Variants in ARRB1 observed in about 807,000 individuals in gnomAD.
The protein encoded by ARRB1 is beta-arrestin-1.
Under a neutral mutation model 56.8 loss-of-function variants are expected in ARRB1, and 21 were observed. The observed-to-expected ratio is 0.37, with a 90% CI of 0.26 to 0.53. The LOEUF (loss-of-function observed/expected upper bound fraction) is 0.53. Ranked by LOEUF, ARRB1 falls within the 20% of genes least tolerant of loss-of-function variation. ARRB1 has a pLI of 0.88. For synonymous variants in ARRB1, 210 were observed against 218.6 expected, an observed-to-expected ratio of 0.96 and a Z score of 0.35; for missense variants, 424 against 553.7, an observed-to-expected ratio of 0.77 and a Z score of 2.35.
At chr11:75,271,895 C>A (rs2276310) in intron 12 of ARRB1, among the ~76,000 whole-genome samples, 171 bp from the exon 13 acceptor site, 2 of 151,880 alleles carry the variant, frequency 1.3e-5, no homozygotes, top group African/African-American at 4.8e-5. Flanking sequence ...AGGGATACAC[C>A]GAAATGGCAT....
chr11:75,289,945 C>T (rs1946565987), intron 2 of ARRB1, 64 bp downstream of exon 2: 1 of 1,611,686 alleles, frequency 6.2e-7, no homozygotes, highest in East Asian at 2.2e-5. Flanking sequence ...TCCTCTGCTT[C>T]CCAAGAGAAA....
At chr11:75,347,426 T>C (rs537108905) in intron 1 of ARRB1, among the ~76,000 whole-genome samples, 2 of 151,900 alleles carry the variant, frequency 1.3e-5, no homozygotes, top group African/African-American at 2.4e-5. Context: ...AAAAGAGGAG[T>C]TCATCTGCAG....
intron 13 of ARRB1, among the ~76,000 whole-genome samples, chr11:75,269,933 C>A (rs559812684): frequency 6.6e-6 from 1 of 152,216 alleles, no homozygotes. Flanking sequence ...CACCCAACTG[C>A]GAGTGCCTAC....
intron 1 of ARRB1, among the ~76,000 whole-genome samples, chr11:75,324,275 T>C (rs1947394078): frequency 6.6e-6 from 1 of 152,234 alleles, no homozygotes; most frequent in Non-Finnish European, 1.5e-5. Flanking sequence ...AGTTGCTCCA[T>C]GAGGGCAGGG....
At chr11:75,297,571 T>C (rs550464614) in intron 1 of ARRB1, among the ~76,000 whole-genome samples, 33 of 151,836 alleles carry the variant, frequency 2.2e-4, no homozygotes, top group African/African-American at 7.7e-4. Context: ...GTACAAAAAT[T>C]AACTCAAATG....
intron 1 of ARRB1, among the ~76,000 whole-genome samples, chr11:75,350,795 G>A (rs926482077): frequency 4.6e-5 from 7 of 152,170 alleles, no homozygotes; most frequent in East Asian, 3.8e-4. Context: ...TGGGGGTGGC[G>A]GGGGGCGCTC....
intron 1 of ARRB1, among the ~76,000 whole-genome samples, chr11:75,305,648 C>A (rs773259412): frequency 6.6e-6 from 1 of 152,178 alleles, no homozygotes; most frequent in African/African-American, 2.4e-5. Context: ...GATAAATTCA[C>A]AAGCTTGATG....
chr11:75,350,900 G>A (rs1341420156), intron 1 of ARRB1, among the ~76,000 whole-genome samples: 1 of 152,184 alleles, frequency 6.6e-6, no homozygotes, highest in Non-Finnish European at 1.5e-5. Flanking sequence ...TGCCTGTGGG[G>A]TGCCAGTCTT....
intron 7 of ARRB1, 150 bp from the exon 8 acceptor site, chr11:75,278,894 G>T (rs867433541): frequency 7.0e-6 from 8 of 1,144,612 alleles, no homozygotes; most frequent in African/African-American, 1.6e-5. Context: ...CAGCATAGGG[G>T]TCTGTCACCA....
At chr11:75,329,421 CA>C (rs1371563418) in intron 1 of ARRB1, among the ~76,000 whole-genome samples, 1 of 152,204 alleles carries the variant, frequency 6.6e-6, no homozygotes, top group East Asian at 1.9e-4. Context: ...AACCTTGAGC[CA>C]AACCTTCTCT....
chr11:75,331,782 G>A (rs1183597305), intron 1 of ARRB1, among the ~76,000 whole-genome samples: 3 of 151,900 alleles, frequency 2.0e-5, no homozygotes, highest in East Asian at 1.9e-4. Flanking sequence ...CTCTTCACAC[G>A]GACTCGAGTG....
At chr11:75,313,083 T>C (rs1327523518) in intron 1 of ARRB1, among the ~76,000 whole-genome samples, 1 of 152,138 alleles carries the variant, frequency 6.6e-6, no homozygotes, top group Non-Finnish European at 1.5e-5. Flanking sequence ...CCAGGTGTGG[T>C]GGCTCACACC....
chr11:75,308,149 T>A (rs923711803), intron 1 of ARRB1, among the ~76,000 whole-genome samples: 3 of 152,252 alleles, frequency 2.0e-5, no homozygotes, highest in Non-Finnish European at 2.9e-5. Flanking sequence ...TCATCTTTCC[T>A]ACTCACGGCA....
rs763304369 is a variant in ARRB1 at position 75,266,131 on chromosome 11, G to C, written c.*32C>G. On this transcript the variant is annotated 3_prime_UTR_variant, in exon 16 of 16. Coordinates refer to ENST00000420843, the MANE Select transcript of ARRB1 (RefSeq NM_004041.5). ...AAGCATCCGAGTGCACGAGAGTGGA[G>C]CCGGAGCCACGTGGAGGCAGGGCCG... 7.1e-6 allele frequency: 11 copies of C among 1,545,164 alleles called. No individual in the cohort carries two copies. The South Asian group carries it at 1.1e-4, about 16-fold the overall frequency.
At chr11:75,293,162 A>C (rs936624198) in intron 1 of ARRB1, among the ~76,000 whole-genome samples, 10 of 152,184 alleles carry the variant, frequency 6.6e-5, no homozygotes, top group African/African-American at 2.4e-4. Context: ...CACCTCCTTC[A>C]GGAAGCAGGA....
chr11:75,273,859 G>A (rs1946131140), intron 11 of ARRB1, among the ~76,000 whole-genome samples: 1 of 152,198 alleles, frequency 6.6e-6, no homozygotes, highest in Non-Finnish European at 1.5e-5. Flanking sequence ...GAGTGAGCTG[G>A]CCTAGTGGTC....
chr11:75,320,631 C>T (rs764495588), intron 1 of ARRB1, among the ~76,000 whole-genome samples: 3 of 152,184 alleles, frequency 2.0e-5, no homozygotes, highest in Non-Finnish European at 4.4e-5. Context: ...ATGGTAACTC[C>T]GATTCCTCCT....
At chr11:75,310,655 A>G (rs1295686561) in intron 1 of ARRB1, among the ~76,000 whole-genome samples, 2 of 152,178 alleles carry the variant, frequency 1.3e-5, no homozygotes, top group Non-Finnish European at 2.9e-5. Context: ...TTTCACCCTC[A>G]TGAGGAAACC....
intron 1 of ARRB1, among the ~76,000 whole-genome samples, chr11:75,333,441 T>C (rs1175495355): frequency 1.3e-5 from 2 of 152,196 alleles, no homozygotes; most frequent in African/African-American, 2.4e-5. Flanking sequence ...AATAGAATGA[T>C]TGGTGAACAA....
Sources: allele counts gnomAD v4.1 joint callset (sites outside exome capture counted in the v4.1 genomes callset), GRCh38; gene constraint gnomAD v4.1.1; transcripts MANE v1.5; gene names NCBI Gene and HGNC (gene_info 2026-07-23, HGNC 2026-07-21).